Variants in MED27 observed in about 807,000 individuals in gnomAD.
MED27 encodes mediator of RNA polymerase II transcription subunit 27.
In MED27, 30 loss-of-function variants were observed where a neutral mutation model predicts 38.2. The ratio of observed to expected loss-of-function variants is 0.79; its 90% CI spans 0.59 to 1.07. MED27 has a LOEUF of 1.07. MED27 is among the 50% of genes least tolerant of loss of function. The probability of loss-of-function intolerance (pLI) is 0.00; values close to 1 mark genes in which losing one functional copy is unlikely to be tolerated. For synonymous variants in MED27, 122 were observed against 153.5 expected, an observed-to-expected ratio of 0.79 and a Z score of 1.52; for missense variants, 289 against 397.5, an observed-to-expected ratio of 0.73 and a Z score of 2.32.
intron 4 of MED27, among the ~76,000 whole-genome samples, chr9:131,918,492 C>T (rs1464934795): frequency 6.6e-6 from 1 of 152,224 alleles, no homozygotes; most frequent in Non-Finnish European, 1.5e-5. Flanking sequence ...AAACAACTCC[C>T]TGAAATTAGT....
At chr9:132,074,166 T>C (rs1332928121) in intron 2 of MED27, among the ~76,000 whole-genome samples, 1 of 152,216 alleles carries the variant, frequency 6.6e-6, no homozygotes, top group Non-Finnish European at 1.5e-5. Flanking sequence ...AGGTGCATAA[T>C]AGTGAAAAGC....
At chr9:132,059,145 A>G (rs560561582) in intron 2 of MED27, among the ~76,000 whole-genome samples, 1 of 152,330 alleles carries the variant, frequency 6.6e-6, no homozygotes, top group East Asian at 1.9e-4. Flanking sequence ...CTCACATGCA[A>G]AGATAAAAGG....
At chr9:131,937,175 T>C (rs549239334) in intron 4 of MED27, among the ~76,000 whole-genome samples, 1 of 152,306 alleles carries the variant, frequency 6.6e-6, no homozygotes, top group Admixed American at 6.5e-5. Context: ...GTGAATAGCC[T>C]AGAGATTTGC....
Position 132,002,786 on chromosome 9 carries a change from A to T in MED27, c.479+11551T>A, listed in dbSNP as rs369368350. ...AAAAATTGTCCTGGTGCGGTGGTGC[A>T]CGCCTGTAATCCCAGCTACTCCAGA... On this transcript the variant is annotated intron_variant, in intron 3 of 7. Transcript: ENST00000292035. Among the ~76,000 whole-genome samples the T allele has an allele frequency of 6.6e-4, 101 of 151,956 alleles. 1 individual carries two copies. The South Asian group carries it at 0.012, about 19-fold the overall frequency.
intron 4 of MED27, among the ~76,000 whole-genome samples, chr9:131,934,523 C>G (rs1281645986): frequency 1.3e-5 from 2 of 152,060 alleles, no homozygotes; most frequent in African/African-American, 2.4e-5. Context: ...TGGCAAAAAC[C>G]CAGTTAAAAT....
chr9:131,981,368 T>C (rs567618541), intron 3 of MED27, among the ~76,000 whole-genome samples: 1 of 152,342 alleles, frequency 6.6e-6, no homozygotes, highest in East Asian at 1.9e-4. Context: ...CCCCATGGAA[T>C]CTGGGCCCAT....
chr9:132,010,078 C>T (rs539729009), intron 3 of MED27, among the ~76,000 whole-genome samples: 2 of 152,252 alleles, frequency 1.3e-5, no homozygotes, highest in South Asian at 4.1e-4. Flanking sequence ...TAATTAGATC[C>T]CATTTGTCAA....
chr9:132,061,527 C>T (rs1833698241), intron 2 of MED27, among the ~76,000 whole-genome samples: 1 of 152,164 alleles, frequency 6.6e-6, no homozygotes, highest in African/African-American at 2.4e-5. Flanking sequence ...ACATGTTAAT[C>T]ACTATAAAAT....
chr9:131,995,869 T>C lies in MED27; in HGVS notation c.479+18468A>G, dbSNP rs142512836. ...ATGCACTGAATCAAAGACCTTTTTA[T>C]GGTGCTCTCCCCTAATAGGAAGAAT... On this transcript the variant is annotated intron_variant, in intron 3 of 7. Transcript: ENST00000292035. Among the ~76,000 whole-genome samples the C allele has an allele frequency of 9.2e-5, 14 of 152,336 alleles. No homozygotes were observed. The East Asian group carries it at 2.7e-3, about 29-fold the overall frequency.
chr9:132,006,196 G>A (rs767400438), intron 3 of MED27, among the ~76,000 whole-genome samples: 5 of 152,122 alleles, frequency 3.3e-5, no homozygotes, highest in African/African-American at 4.8e-5. Context: ...ACATTAAGCC[G>A]GGCGACATCT....
At chr9:132,048,857 C>T (rs1254146629) in intron 2 of MED27, among the ~76,000 whole-genome samples, 1 of 152,222 alleles carries the variant, frequency 6.6e-6, no homozygotes, top group South Asian at 2.1e-4. Flanking sequence ...AGACAACTGG[C>T]TGTGACCAAT....
chr9:132,056,403 T>A (rs1833578195), intron 2 of MED27, among the ~76,000 whole-genome samples: 1 of 152,104 alleles, frequency 6.6e-6, no homozygotes. Flanking sequence ...CCCATCCCAA[T>A]GATAAAATGA....
rs1265455094 is a variant in MED27 at position 131,913,939 on chromosome 9, C to T, written c.574-19947G>A. ...ATTCCTCTAGCGCTTGCTTGTACCGCTTGTCTTCATTCATTCATTCAACAG... is the reference window on the plus strand; with the variant it reads ...ATTCCTCTAGCGCTTGCTTGTACCGTTTGTCTTCATTCATTCATTCAACAG... On this transcript the variant is annotated intron_variant, in intron 4 of 7. Transcript: ENST00000292035. The surrounding 1 kb of genome is among the most constrained non-coding windows in gnomAD (Gnocchi z 4.5). 7.3e-6 allele frequency among the ~76,000 whole-genome samples: 1 copy of T among 136,764 alleles called. No individual in the cohort carries two copies. The highest frequency in any genetic ancestry group is 2.3e-4 in the East Asian group (1 of 4,286). The allele number at this position is 136,764 out of a possible 152,430, so 89.7% of individuals were successfully genotyped here.
At chr9:132,013,810 A>G (rs1473445396) in intron 3 of MED27, among the ~76,000 whole-genome samples, 8 of 152,228 alleles carry the variant, frequency 5.3e-5, no homozygotes, top group Non-Finnish European at 1.2e-4. Flanking sequence ...CATACAAAAT[A>G]TGTAAAATAA....
chr9:131,874,517 G>A (rs1766131839), intron 6 of MED27, among the ~76,000 whole-genome samples: 1 of 152,126 alleles, frequency 6.6e-6, no homozygotes, highest in Admixed American at 6.5e-5. Context: ...TTGATTTTCA[G>A]CCACTGGGGA....
In MED27 at chr9:131,862,398, G is replaced by A. The variant is rs575731785; in HGVS notation, c.801+665C>T. Reference sequence around the variant, plus strand: ...TGACGGTGGAACAGCTGGCGGCTACGTCTGTCAAGGACGCGGGGACATGGT... The same window carrying A: ...TGACGGTGGAACAGCTGGCGGCTACATCTGTCAAGGACGCGGGGACATGGT... On this transcript the variant is annotated intron_variant, in intron 7 of 7. Coordinates refer to ENST00000292035, the MANE Select transcript of MED27 (RefSeq NM_004269.4). This position sits in a 1 kb window ranked among gnomAD's most constrained non-coding sequence, Gnocchi z 4.6. Among the ~76,000 whole-genome samples, 65 of 152,318 alleles carry A rather than the reference G, an allele frequency of 4.3e-4. No homozygotes were observed. Among genetic ancestry groups the A allele is most frequent in the African/African-American group, 1.4e-3 (59 of 41,566 alleles).
chr9:131,907,615 A>G (rs1229777561), intron 4 of MED27, among the ~76,000 whole-genome samples: 1 of 152,032 alleles, frequency 6.6e-6, no homozygotes, highest in African/African-American at 2.4e-5. Context: ...AAGTGCCGAG[A>G]TTGCAGCCTC....
intron 3 of MED27, among the ~76,000 whole-genome samples, chr9:131,974,665 A>G (rs1831565412): frequency 6.6e-6 from 1 of 152,250 alleles, no homozygotes; most frequent in South Asian, 2.1e-4. Flanking sequence ...TTACACTCAC[A>G]GGGGCCTCCT....
chr9:131,921,241 C>G lies in MED27; in HGVS notation c.573+18140G>C, dbSNP rs982692416. On this transcript the variant is annotated intron_variant, in intron 4 of 7. Transcript: ENST00000292035. ...TCCTGTTAGCACTACCCTGCACCTG[C>G]CGCAAACTCACATCTGCACTCTCTC... Among the ~76,000 whole-genome samples, 3 of 152,172 alleles carry G rather than the reference C, an allele frequency of 2.0e-5. 1 individual carries two copies. Among genetic ancestry groups the G allele is most frequent in the Admixed American group, 2.0e-4 (3 of 15,274 alleles).
Sources: allele counts gnomAD v4.1 joint callset (sites outside exome capture counted in the v4.1 genomes callset), GRCh38; gene constraint gnomAD v4.1.1; non-coding constraint Gnocchi (gnomAD v3.1); transcripts MANE v1.5; gene names NCBI Gene and HGNC (gene_info 2026-07-23, HGNC 2026-07-21).